Variants in ERCC8 observed in about 807,000 individuals in gnomAD.
ERCC8 encodes the protein ERCC excision repair 8, CSA ubiquitin ligase complex subunit.
Under a neutral mutation model 54.9 loss-of-function variants are expected in ERCC8, and 52 were observed. The observed-to-expected ratio is 0.95, with a 90% CI of 0.76 to 1.19. ERCC8 has a LOEUF of 1.19. ERCC8 is among the 50% of genes most tolerant of loss of function. The pLI is 0.00. For missense variants in ERCC8, 514 were observed against 466.1 expected (o/e 1.10, Z -0.95); for synonymous variants, 146 against 157.2 (o/e 0.93, Z 0.53).
intron 11 of ERCC8, among the ~76,000 whole-genome samples, chr5:60,880,599 CTTCAT>C (rs1554071998): frequency 1.3e-5 from 2 of 152,144 alleles, no homozygotes; most frequent in Non-Finnish European, 2.9e-5. Flanking sequence ...TCTCTTCTCA[CTTCAT>C]TTCATTCATT....
In ERCC8 at chr5:60,872,169, C is replaced by T. The variant is rs556414067; in HGVS notation, c.*2446G>A. On this transcript the variant is annotated 3_prime_UTR_variant, in exon 12 of 12. Coordinates refer to ENST00000676185, the MANE Select transcript of ERCC8 (RefSeq NM_000082.4). ...GGGGACAAGATTGAAAGTAGAATGG[C>T]CTGGGCTTAATAAATCAATGATTTG... 4.6e-5 allele frequency among the ~76,000 whole-genome samples: 7 copies of T among 152,162 alleles called. No homozygotes were observed. The highest frequency in any genetic ancestry group is 1.7e-4 in the African/African-American group (7 of 41,506).
chr5:60,884,088 G>C (rs186275978), intron 11 of ERCC8, among the ~76,000 whole-genome samples: 2 of 152,236 alleles, frequency 1.3e-5, no homozygotes, highest in East Asian at 3.9e-4. Flanking sequence ...ACTTTGATTA[G>C]ACAATTCTGA....
Position 60,898,388 on chromosome 5 carries a change from T to G in ERCC8, c.731A>C (p.His244Pro). 6.2e-7 allele frequency: 1 copy of G among 1,613,586 alleles called. No individual in the cohort carries two copies. The highest frequency in any genetic ancestry group is 8.5e-7 in the Non-Finnish European group (1 of 1,179,618). The change falls in exon 9 of 12, where the codon CAT (histidine) becomes CCT (proline). Residue 244 changes from histidine to proline, a missense_variant. Coordinates refer to ENST00000676185, the MANE Select transcript of ERCC8 (RefSeq NM_000082.4). ...ACATAAGCCATTAACTTTCCCATTA[T>G]GAGCAGTGTTTGCTGCAATGAAAAA... ...SQAVESANTAHNGKVNGLCFT... is the reference protein window; with the variant it reads ...SQAVESANTAPNGKVNGLCFT...
rs70977811 is a variant in ERCC8, at chr5:60,904,630, GTGTGTATATATA to G, written c.481+150_481+161del. ...TCTGTTGAATATATATAGTGTGTGT[GTGTGTATATATA>G]TATATATATATATATATATATATAT... On this transcript the variant is annotated intron_variant, in intron 5 of 11. Transcript: ENST00000676185. Among the ~76,000 whole-genome samples, 266 of 44,572 alleles carry G rather than the reference GTGTGTATATATA, an allele frequency of 6.0e-3. 9 individuals carry two copies. The highest frequency in any genetic ancestry group is 0.03 in the East Asian group (20 of 666). The allele number at this position is 44,572 out of a possible 152,430, so 29.2% of individuals were successfully genotyped here. A position where few individuals can be genotyped will look rare whatever the true frequency, so the allele number is the denominator to read the frequency against.
At chr5:60,876,558 T>G (rs1417981341) in intron 11 of ERCC8, among the ~76,000 whole-genome samples, 1 of 152,328 alleles carries the variant, frequency 6.6e-6, no homozygotes, top group East Asian at 1.9e-4. Flanking sequence ...CCTGACTTTT[T>G]AATGATCACC....
intron 1 of ERCC8, among the ~76,000 whole-genome samples, chr5:60,931,759 A>G (rs1749915495): frequency 6.6e-6 from 1 of 152,176 alleles, no homozygotes; most frequent in Admixed American, 6.5e-5. Flanking sequence ...TCAAATTACA[A>G]CAGAATATAT....
intron 1 of ERCC8, among the ~76,000 whole-genome samples, chr5:60,932,565 G>C (rs891715224): frequency 1.3e-5 from 2 of 152,220 alleles, no homozygotes; most frequent in Non-Finnish European, 2.9e-5. Flanking sequence ...AAGGAATAGA[G>C]TGTGTCCTGT....
At chr5:60,881,633 C>T (rs995698559) in intron 11 of ERCC8, among the ~76,000 whole-genome samples, 1 of 152,034 alleles carries the variant, frequency 6.6e-6, no homozygotes, top group Non-Finnish European at 1.5e-5. Flanking sequence ...ATGGGCGAGG[C>T]TCTGTGGGCG....
intron 1 of ERCC8, among the ~76,000 whole-genome samples, chr5:60,938,223 T>C (rs1008578343): frequency 1.3e-5 from 2 of 151,080 alleles, no homozygotes; most frequent in African/African-American, 4.8e-5. Flanking sequence ...TCTTTGATTC[T>C]GGAGTTTTCT....
At chr5:60,921,445 T>C (rs1749597547) in intron 3 of ERCC8, among the ~76,000 whole-genome samples, 1 of 151,948 alleles carries the variant, frequency 6.6e-6, no homozygotes, top group South Asian at 2.1e-4. Flanking sequence ...AAAATTACAA[T>C]GTCACAAAAC....
At chr5:60,877,714 T>C (rs1056702579) in intron 11 of ERCC8, among the ~76,000 whole-genome samples, 2 of 152,216 alleles carry the variant, frequency 1.3e-5, no homozygotes, top group African/African-American at 4.8e-5. Context: ...TTTTTGCACA[T>C]TGATTTTGTA....
intron 7 of ERCC8, among the ~76,000 whole-genome samples, chr5:60,900,374 A>G (rs1323645762): frequency 6.6e-6 from 1 of 152,058 alleles, no homozygotes; most frequent in African/African-American, 2.4e-5. Context: ...CTTCTAGATT[A>G]TTTCTAAAGA....
Position 60,910,912 on chromosome 5 carries a change from A to G in ERCC8, c.400-6039T>C, listed in dbSNP as rs556689027. Among the ~76,000 whole-genome samples the G allele has an allele frequency of 5.3e-5, 8 of 152,274 alleles. No individual in the cohort carries two copies. In the East Asian group the frequency reaches 1.3e-3, roughly 26 times the overall value. ...ATTCAGTACAATGTTGAACAGAGGAAATAATGAGGATAATGCAAAGGGAAA... is the reference window on the plus strand; with the variant it reads ...ATTCAGTACAATGTTGAACAGAGGAGATAATGAGGATAATGCAAAGGGAAA... On this transcript the variant is annotated intron_variant, in intron 4 of 11. Transcript: ENST00000676185.
intron 7 of ERCC8, among the ~76,000 whole-genome samples, chr5:60,901,237 G>A (rs1285266180): frequency 1.3e-5 from 2 of 151,672 alleles, no homozygotes; most frequent in African/African-American, 4.8e-5. Flanking sequence ...TTAGATCCTT[G>A]ATCCCTCCTA....
intron 4 of ERCC8, among the ~76,000 whole-genome samples, chr5:60,909,243 GAAAAAAAAAAAAAAAAAAAAAA>G (rs60064294): frequency 1.0e-4 from 2 of 19,932 alleles, no homozygotes; most frequent in African/African-American, 1.7e-4. Context: ...GCCCTATTCT[GAAAAAAAAAAAAAAAAAAAAAA>G]AAAAAAAAAA....
At chr5:60,887,889 C>T (rs972893102) in intron 10 of ERCC8, among the ~76,000 whole-genome samples, 2 of 152,142 alleles carry the variant, frequency 1.3e-5, no homozygotes, top group Admixed American at 1.3e-4. Flanking sequence ...GTGAAGAAAC[C>T]ATATGAGCGT....
chr5:60,874,541 G>C lies in ERCC8; in HGVS notation c.*74C>G. ...AGGGCTAATTTAGCTGTCAGGAATAGACCATACAGTTGAAAAAAACACAGT... is the reference window on the plus strand; with the variant it reads ...AGGGCTAATTTAGCTGTCAGGAATACACCATACAGTTGAAAAAAACACAGT... On this transcript the variant is annotated 3_prime_UTR_variant, in exon 12 of 12. Coordinates refer to ENST00000676185, the MANE Select transcript of ERCC8 (RefSeq NM_000082.4). The C allele has an allele frequency of 7.8e-7, 1 of 1,289,050 alleles. No individual in the cohort carries two copies. Among genetic ancestry groups the C allele is most frequent in the Non-Finnish European group, 1.1e-6 (1 of 892,898 alleles). The allele number at this position is 1,289,050 out of a possible 1,614,324, so 79.9% of individuals were successfully genotyped here. A position where few individuals can be genotyped will look rare whatever the true frequency, so the allele number is the denominator to read the frequency against.
chr5:60,890,005 C>G (rs145014758), intron 10 of ERCC8, among the ~76,000 whole-genome samples: 1 of 151,852 alleles, frequency 6.6e-6, no homozygotes, highest in African/African-American at 2.4e-5. Flanking sequence ...GGCTGGAGGT[C>G]GCTTGGGGGC....
At chr5:60,901,629 T>C (rs749202399) in intron 7 of ERCC8, among the ~76,000 whole-genome samples, 2 of 151,980 alleles carry the variant, frequency 1.3e-5, no homozygotes, top group Non-Finnish European at 2.9e-5. Context: ...TGTCCACCTT[T>C]TCCTCTTTCC....
Sources: allele counts gnomAD v4.1 joint callset (sites outside exome capture counted in the v4.1 genomes callset), GRCh38; gene constraint gnomAD v4.1.1; transcripts MANE v1.5; gene names NCBI Gene and HGNC (gene_info 2026-07-23, HGNC 2026-07-21).